USP34: variants seen among roughly 807,000 people sequenced by gnomAD.
USP34 encodes the protein ubiquitin carboxyl-terminal hydrolase 34.
In USP34, 70 loss-of-function variants were observed where a neutral mutation model predicts 460.3. The observed-to-expected ratio is 0.15, with a 90% CI of 0.13 to 0.19. The LOEUF (loss-of-function observed/expected upper bound fraction) is 0.19. USP34 is among the 10% of genes least tolerant of loss of function. The pLI, the probability that USP34 is intolerant of heterozygous loss-of-function variation, is 1.00. For synonymous variants in USP34, 1,647 were observed against 1,405.3 expected, an observed-to-expected ratio of 1.17 and a Z score of -3.85; for missense variants, 3,985 against 4,236.2, an observed-to-expected ratio of 0.94 and a Z score of 1.65.
intron 78 of USP34, chr2:61,189,560 C>CCA (rs1686562789): frequency 6.5e-6 from 1 of 153,046 alleles, no homozygotes; most frequent in South Asian, 2.1e-4. Flanking sequence ...CAGGCATGAG[C>CCA]CACCGTGCCC....
chr2:61,322,489 A>C (rs1690956205), intron 21 of USP34, among the ~76,000 whole-genome samples: 1 of 152,226 alleles, frequency 6.6e-6, no homozygotes, highest in Non-Finnish European at 1.5e-5. Context: ...AAAATTAGAC[A>C]GTCCAAAAGG....
rs376503079 is a variant in USP34, at chr2:61,260,067, G to A, written c.5779-291C>T. ...TACAATGCTGATGATTTCCAAGAAT[G>A]CAAGAATGAAAAACACTTCAGGTGC... is the stretch of plus-strand genomic sequence containing the variant. On this transcript the variant is annotated intron_variant, in intron 43 of 79. Transcript: ENST00000398571. Among the ~76,000 whole-genome samples the A allele has an allele frequency of 3.3e-5, 5 of 152,198 alleles. No homozygotes were observed. The East Asian group carries it at 7.7e-4, about 23-fold the overall frequency.
chr2:61,451,967 A>G (rs1427090711), intron 1 of USP34, among the ~76,000 whole-genome samples: 2 of 151,884 alleles, frequency 1.3e-5, no homozygotes, highest in Non-Finnish European at 2.9e-5. Flanking sequence ...CGAGGTCAGG[A>G]GATCGAGACC....
At chr2:61,266,216 T>A (rs1307186111) in intron 41 of USP34, 49 bp from the exon 42 acceptor site, 1 of 1,523,850 alleles carries the variant, frequency 6.6e-7, no homozygotes, top group African/African-American at 1.4e-5. Flanking sequence ...ATTAATTACA[T>A]TCCAAATATA....
chr2:61,446,655 G>A (rs764835962), intron 1 of USP34, among the ~76,000 whole-genome samples: 4 of 151,992 alleles, frequency 2.6e-5, no homozygotes, highest in East Asian at 1.9e-4. Flanking sequence ...AATTAGCCAG[G>A]TGTAGTGGTA....
chr2:61,293,496 G>A lies in USP34; in HGVS notation c.4516C>T (p.Leu1506=). 1.2e-6 allele frequency: 2 copies of A among 1,612,858 alleles called. No homozygotes were observed. Among genetic ancestry groups the A allele is most frequent in the Middle Eastern group, 1.7e-4 (1 of 6,054 alleles). The change falls in exon 33 of 80, where the codon CTA becomes TTA. Residue 1506 remains leucine (L), a synonymous_variant. Coordinates refer to ENST00000398571, the MANE Select transcript of USP34 (RefSeq NM_014709.4). ...CATGATTCCTGCTCTTTAGGCTCTA[G>A]AATTCCAGAATTAAAAATTTCTAAT... ...QLLEIFNSGI[L]EPKEQESWTV...
intron 75 of USP34, among the ~76,000 whole-genome samples, chr2:61,193,675 A>C (rs575862331): frequency 3.9e-5 from 6 of 152,322 alleles, no homozygotes; most frequent in Non-Finnish European, 8.8e-5. Context: ...TCATTACCAC[A>C]GTCCTAAATG....
At chr2:61,430,219 AAAAAAAAAAAAGAAAAG>A (rs1288636961) in intron 1 of USP34, among the ~76,000 whole-genome samples, 1 of 136,296 alleles carries the variant, frequency 7.3e-6, no homozygotes, top group Admixed American at 7.8e-5. Flanking sequence ...CGTCACAAAA[AAAAAAAAAAAAGAAAAG>A]AAAAAAAAAA....
intron 1 of USP34, among the ~76,000 whole-genome samples, chr2:61,436,162 G>C (rs543388899): frequency 1.3e-5 from 2 of 151,892 alleles, no homozygotes; most frequent in African/African-American, 4.8e-5. Flanking sequence ...AACCATGTCT[G>C]TACTAAAAAT....
Position 61,331,302 on chromosome 2 carries a change from C to T in USP34, c.2904G>A (p.Val968=). ...GTGCATGTTTTTGTCTTCCTTCTCT[C>T]ACAGTTTGAATGTAGTATACCAAAT... The part of the protein sequence containing the change: ...FDNLVYYIQT[V]REGRQKHALY... The change falls in exon 20 of 80, where the codon GTG becomes GTA. Residue 968 remains valine (V), a synonymous_variant. Coordinates refer to ENST00000398571, the MANE Select transcript of USP34 (RefSeq NM_014709.4). The T allele has an allele frequency of 1.2e-6, 2 of 1,612,468 alleles. No individual in the cohort carries two copies. Among genetic ancestry groups the T allele is most frequent in the Non-Finnish European group, 1.7e-6 (2 of 1,179,166 alleles).
chr2:61,351,203 A>G (rs139526778), intron 10 of USP34, among the ~76,000 whole-genome samples: 3 of 152,384 alleles, frequency 2.0e-5, no homozygotes, highest in Non-Finnish European at 2.9e-5. Context: ...ATAGTAAATT[A>G]AAATACAAAT....
At chr2:61,411,254 C>A (rs547254972) in intron 2 of USP34, among the ~76,000 whole-genome samples, 164 of 151,954 alleles carry the variant, frequency 1.1e-3, no homozygotes, top group African/African-American at 3.7e-3. Flanking sequence ...AGGTGCCATA[C>A]GCCCGTAATC....
At chr2:61,419,425 C>T (rs1009431036) in intron 2 of USP34, among the ~76,000 whole-genome samples, 3 of 152,050 alleles carry the variant, frequency 2.0e-5, no homozygotes, top group African/African-American at 7.3e-5. Flanking sequence ...AGAATTACTG[C>T]CTAAAACTGC....
chr2:61,292,197 C>G, intron 33 of USP34, among the ~76,000 whole-genome samples: 1 of 149,182 alleles, frequency 6.7e-6, no homozygotes, highest in Non-Finnish European at 1.5e-5. Flanking sequence ...AACTATATTT[C>G]AAAAAAAGTT....
chr2:61,458,953 C>T (rs1011060589), intron 1 of USP34, among the ~76,000 whole-genome samples: 12 of 152,090 alleles, frequency 7.9e-5, no homozygotes, highest in African/African-American at 2.9e-4. Context: ...ACAATCCCAG[C>T]TACTTGGGAG....
chr2:61,374,110 C>G (rs566849076), intron 8 of USP34, among the ~76,000 whole-genome samples: 2 of 147,580 alleles, frequency 1.4e-5, no homozygotes, highest in African/African-American at 2.5e-5. Flanking sequence ...GAGCCGAGAT[C>G]GTGCCATTGC....
chr2:61,454,439 GTTTTGT>G lies in USP34; in HGVS notation c.43+16205_43+16210del, dbSNP rs146081307. On this transcript the variant is annotated intron_variant, in intron 1 of 79. Transcript: ENST00000398571. ...GCGCCCAGCCAGTTTTTTGTTTGTTGTTTTGTTTTTGTTTTTGTTTTTCCCAAAGGG... is the reference window on the plus strand; with the variant it reads ...GCGCCCAGCCAGTTTTTTGTTTGTTGTTTTGTTTTTGTTTTTCCCAAAGGG... 6.2e-3 allele frequency among the ~76,000 whole-genome samples: 933 copies of G among 151,556 alleles called. 7 individuals are homozygous for G. Among genetic ancestry groups the G allele is most frequent in the African/African-American group, 0.02 (828 of 41,328 alleles).
chr2:61,441,551 CCT>C (rs1170206475), intron 1 of USP34, among the ~76,000 whole-genome samples: 1 of 152,008 alleles, frequency 6.6e-6, no homozygotes, highest in African/African-American at 2.4e-5. Context: ...TAGAGGTGCC[CCT>C]GTGTCCCTGT....
Position 61,241,584 on chromosome 2 carries a change from A to G in USP34, c.6753T>C (p.Phe2251=). The change falls in exon 53 of 80, where the codon TTT becomes TTC. Residue 2251 remains phenylalanine (F), a synonymous_variant. Transcript: ENST00000398571. ...CCTCTAGTAACTCTGACGAAACATC[A>G]AATTTGTATTCTCTGCCATTTTCTT... ...PEEENGREYK[F]DVSSELLEWI... is the part of the protein sequence containing the mutation. The G allele has an allele frequency of 6.2e-7, 1 of 1,609,594 alleles. No homozygotes were observed. The highest frequency in any genetic ancestry group is 8.5e-7 in the Non-Finnish European group (1 of 1,178,754).
Sources: allele counts gnomAD v4.1 joint callset (sites outside exome capture counted in the v4.1 genomes callset), GRCh38; gene constraint gnomAD v4.1.1; transcripts MANE v1.5; gene names NCBI Gene and HGNC (gene_info 2026-07-23, HGNC 2026-07-21).